DPP10: variants seen among roughly 807,000 people sequenced by gnomAD.
DPP10 encodes dipeptidyl peptidase like 10.
A neutral mutation model predicts 120.9 loss-of-function variants in DPP10; 33 were observed. The observed-to-expected ratio is 0.27, with a 90% CI of 0.21 to 0.37. DPP10 has a LOEUF of 0.37. Among genes scored for constraint, DPP10 ranks in the 10% least tolerant of loss-of-function variants. The pLI, the probability that DPP10 is intolerant of heterozygous loss-of-function variation, is 1.00. For synonymous variants in DPP10, 337 were observed against 326.1 expected (o/e 1.03, Z -0.36); for missense variants, 816 against 942.8 (o/e 0.87, Z 1.76).
In DPP10 at chr2:115,418,829, A is replaced by G. The variant is rs1396515137; in HGVS notation, c.271+74917A>G. On this transcript the variant is annotated intron_variant, in intron 3 of 25. Transcript: ENST00000410059. ...TTTAAAAAACTAAAAAGCATAAACAATTAAAAAATAAAGAATAAAATAAAA... is the reference window on the plus strand; with the variant it reads ...TTTAAAAAACTAAAAAGCATAAACAGTTAAAAAATAAAGAATAAAATAAAA... 2.6e-5 allele frequency among the ~76,000 whole-genome samples: 4 copies of G among 152,280 alleles called. No homozygotes were observed. In the East Asian group the frequency reaches 7.7e-4, roughly 29 times the overall value.
intron 3 of DPP10, among the ~76,000 whole-genome samples, chr2:115,430,031 G>A (rs2070830374): frequency 6.6e-6 from 1 of 152,162 alleles, no homozygotes; most frequent in African/African-American, 2.4e-5. Context: ...AGGGACACAG[G>A]TTCTGCGTGG....
chr2:114,771,701 A>C (rs935163074), intron 1 of DPP10, among the ~76,000 whole-genome samples: 9 of 152,204 alleles, frequency 5.9e-5, no homozygotes, highest in African/African-American at 2.2e-4. Flanking sequence ...GAAGTGGAAA[A>C]GGGAGCATGT....
intron 5 of DPP10, among the ~76,000 whole-genome samples, chr2:115,621,766 G>A (rs981479490): frequency 2.6e-5 from 4 of 152,036 alleles, no homozygotes; most frequent in African/African-American, 7.2e-5. Context: ...TGCAACCTCC[G>A]CCTCCCAGGT....
At chr2:114,706,622 C>G (rs1700702869) in intron 1 of DPP10, among the ~76,000 whole-genome samples, 1 of 152,148 alleles carries the variant, frequency 6.6e-6, no homozygotes. Context: ...CATTCTAAAT[C>G]TAGAACCACA....
intron 1 of DPP10, among the ~76,000 whole-genome samples, chr2:115,006,533 C>G (rs1394329919): frequency 4.7e-5 from 7 of 149,032 alleles, no homozygotes; most frequent in African/African-American, 1.7e-4. Flanking sequence ...ATCTACCAAG[C>G]AAATGGAAAA....
At chr2:114,679,874 C>A (rs1380944783) in intron 1 of DPP10, among the ~76,000 whole-genome samples, 1 of 151,984 alleles carries the variant, frequency 6.6e-6, no homozygotes, top group Non-Finnish European at 1.5e-5. Flanking sequence ...AGGACTGGAG[C>A]TTCAGCATAG....
chr2:115,617,106 C>G (rs1203999197), intron 5 of DPP10, among the ~76,000 whole-genome samples: 2 of 149,358 alleles, frequency 1.3e-5, no homozygotes, highest in Non-Finnish European at 3.0e-5. Flanking sequence ...GAATTTTTTT[C>G]AGGTGCTGGG....
intron 1 of DPP10, among the ~76,000 whole-genome samples, chr2:114,783,116 A>C (rs1240383262): frequency 6.6e-6 from 1 of 152,198 alleles, no homozygotes; most frequent in East Asian, 1.9e-4. Flanking sequence ...GGGTTTAAAG[A>C]TATGTAATGA....
chr2:115,217,239 T>G (rs1219933180), intron 1 of DPP10, among the ~76,000 whole-genome samples: 2 of 152,202 alleles, frequency 1.3e-5, no homozygotes, highest in Non-Finnish European at 2.9e-5. Context: ...TCTAATGGCT[T>G]TAAATCTTAA....
At chr2:114,748,356 TTTTTA>T (rs1678814082) in intron 1 of DPP10, among the ~76,000 whole-genome samples, 1 of 133,558 alleles carries the variant, frequency 7.5e-6, no homozygotes, top group African/African-American at 3.0e-5. Context: ...TTTTTATTTT[TTTTTA>T]TTTTATTTAT....
chr2:114,918,068 A>G (rs1351293168), intron 1 of DPP10, among the ~76,000 whole-genome samples: 1 of 152,222 alleles, frequency 6.6e-6, no homozygotes, highest in Non-Finnish European at 1.5e-5. Flanking sequence ...AAAAGGTCTA[A>G]TATCAAGTCT....
rs548675517 is a variant in DPP10, at chr2:115,735,118, T to C, written c.698-4621T>C. ...AAATTCCACGCACCCACTTCCTCCC[T>C]TCATTTGATTCGCCAGGGTTTCATA... On this transcript the variant is annotated intron_variant, in intron 8 of 25. Transcript: ENST00000410059. Among the ~76,000 whole-genome samples, 15 of 152,274 alleles carry C rather than the reference T, an allele frequency of 9.9e-5. No homozygotes were observed. The South Asian group carries it at 3.1e-3, about 32-fold the overall frequency.
At chr2:114,887,880 C>G (rs1425815566) in intron 1 of DPP10, among the ~76,000 whole-genome samples, 1 of 152,146 alleles carries the variant, frequency 6.6e-6, no homozygotes, top group Non-Finnish European at 1.5e-5. Flanking sequence ...TGGCTCACGC[C>G]TGTTATTCCC....
chr2:115,396,287 A>G (rs1257162159), intron 3 of DPP10, among the ~76,000 whole-genome samples: 1 of 152,188 alleles, frequency 6.6e-6, no homozygotes, highest in Non-Finnish European at 1.5e-5. Context: ...AATCAAGGTT[A>G]TACAAGCAAC....
intron 3 of DPP10, among the ~76,000 whole-genome samples, chr2:115,357,009 T>C (rs938479896): frequency 6.6e-6 from 1 of 152,216 alleles, no homozygotes; most frequent in African/African-American, 2.4e-5. Context: ...TTTTGAACCA[T>C]TGCCCCTTTC....
intron 1 of DPP10, among the ~76,000 whole-genome samples, chr2:115,037,225 A>G (rs1420624567): frequency 1.3e-5 from 2 of 152,216 alleles, no homozygotes; most frequent in Non-Finnish European, 2.9e-5. Flanking sequence ...AAATACTGCT[A>G]TTTACCCATA....
intron 1 of DPP10, among the ~76,000 whole-genome samples, chr2:114,935,048 G>A (rs1696352954): frequency 6.6e-6 from 1 of 152,070 alleles, no homozygotes; most frequent in Non-Finnish European, 1.5e-5. Flanking sequence ...CGTGAATGAG[G>A]TAAATCTACT....
intron 5 of DPP10, among the ~76,000 whole-genome samples, chr2:115,591,849 TCTC>T (rs1419852241): frequency 1.3e-5 from 2 of 152,178 alleles, no homozygotes; most frequent in African/African-American, 2.4e-5. Context: ...GGTTTGTAGT[TCTC>T]CTTGAAGAGG....
chr2:114,922,365 T>A (rs1469196037), intron 1 of DPP10, among the ~76,000 whole-genome samples: 1 of 152,170 alleles, frequency 6.6e-6, no homozygotes, highest in African/African-American at 2.4e-5. Context: ...CAGGCTGGAG[T>A]CCAATGGCAT....
Sources: allele counts gnomAD v4.1 joint callset (sites outside exome capture counted in the v4.1 genomes callset), GRCh38; gene constraint gnomAD v4.1.1; transcripts MANE v1.5; gene names NCBI Gene and HGNC (gene_info 2026-07-23, HGNC 2026-07-21).